CUL1: variants seen among roughly 807,000 people sequenced by gnomAD.
The protein encoded by CUL1 is cullin 1, also known as cullin-1.
A neutral mutation model predicts 118.0 loss-of-function variants in CUL1; 24 were observed. The ratio of observed to expected loss-of-function variants is 0.20; its 90% CI spans 0.15 to 0.29. The LOEUF (loss-of-function observed/expected upper bound fraction) is 0.29. Among genes scored for constraint, CUL1 ranks in the 10% least tolerant of loss-of-function variants. The pLI is 1.00. For missense variants in CUL1, 361 were observed against 933.8 expected, an observed-to-expected ratio of 0.39 and a Z score of 7.99; for synonymous variants, 332 against 340.4, an observed-to-expected ratio of 0.98 and a Z score of 0.27.
chr7:148,757,772 C>T (rs868551759), intron 4 of CUL1, among the ~76,000 whole-genome samples: 9 of 152,130 alleles, frequency 5.9e-5, no homozygotes, highest in Admixed American at 1.3e-4. Flanking sequence ...GCTGGGAAGG[C>T]CTCACAACCA....
chr7:148,765,248 AT>A (rs2129460708), intron 7 of CUL1, among the ~76,000 whole-genome samples: 1 of 152,160 alleles, frequency 6.6e-6, no homozygotes, highest in East Asian at 1.9e-4. Flanking sequence ...CCGCCTAATC[AT>A]TTTTTCATTT....
At chr7:148,725,219 G>GCGCACGCGCACACACACACACACACA in intron 1 of CUL1, among the ~76,000 whole-genome samples, 123 of 140,140 alleles carry the variant, frequency 8.8e-4, no homozygotes, top group African/African-American at 3.2e-3. Flanking sequence ...ACACGCGCGC[G>GCGCACGCGCACACACACACACACACA]CTCACACACA....
At chr7:148,798,528 C>G (rs1801283632) in intron 19 of CUL1, 44 bp from the exon 20 acceptor site, 1 of 1,455,996 alleles carries the variant, frequency 6.9e-7, no homozygotes, top group Non-Finnish European at 9.6e-7. Context: ...TCACTGCCTA[C>G]CTTTTAATAT....
chr7:148,786,472 T>G (rs1447350224), intron 11 of CUL1, 79 bp from the exon 12 acceptor site: 7 of 1,097,332 alleles, frequency 6.4e-6, no homozygotes, highest in Non-Finnish European at 9.7e-6. Flanking sequence ...TTTGAATGCT[T>G]GAAGCTGCAT....
intron 2 of CUL1, among the ~76,000 whole-genome samples, chr7:148,748,973 G>A (rs1008012674): frequency 1.3e-5 from 2 of 152,144 alleles, no homozygotes; most frequent in Non-Finnish European, 2.9e-5. Flanking sequence ...CAGCCAAGTG[G>A]CATGTAGAAG....
intron 7 of CUL1, among the ~76,000 whole-genome samples, chr7:148,766,282 G>A (rs181310936): frequency 1.4e-4 from 22 of 152,064 alleles, no homozygotes; most frequent in Admixed American, 4.6e-4. Context: ...CTACAGGCGC[G>A]TGCCACACCT....
At chr7:148,735,430 G>C (rs1798907050) in intron 2 of CUL1, among the ~76,000 whole-genome samples, 1 of 152,258 alleles carries the variant, frequency 6.6e-6, no homozygotes, top group East Asian at 1.9e-4. Context: ...CATAGGAGCT[G>C]CACTGCAGGG....
chr7:148,744,976 A>G (rs912614693), intron 2 of CUL1, among the ~76,000 whole-genome samples: 1 of 152,020 alleles, frequency 6.6e-6, no homozygotes, highest in African/African-American at 2.4e-5. Context: ...GTTACTGGTC[A>G]TGTGAACTCT....
At chr7:148,743,708 G>A (rs529594549) in intron 2 of CUL1, among the ~76,000 whole-genome samples, 6 of 152,080 alleles carry the variant, frequency 3.9e-5, no homozygotes, top group Admixed American at 2.0e-4. Flanking sequence ...CGGGCAGATC[G>A]CCTGATGCCA....
At chr7:148,732,508 AT>A (rs879290722) in intron 2 of CUL1, among the ~76,000 whole-genome samples, 344 of 142,878 alleles carry the variant, frequency 2.4e-3, no homozygotes, top group Admixed American at 2.6e-3. Flanking sequence ...TGCCCGGCTA[AT>A]TTTTTTTTTT....
At chr7:148,725,221 TCACACACA>T (rs1164701228) in intron 1 of CUL1, among the ~76,000 whole-genome samples, 4 of 145,388 alleles carry the variant, frequency 2.8e-5, no homozygotes, top group Non-Finnish European at 6.0e-5. Context: ...ACGCGCGCGC[TCACACACA>T]CACACACACA....
chr7:148,708,910 T>C (rs1255475851), intron 1 of CUL1, among the ~76,000 whole-genome samples: 1 of 152,258 alleles, frequency 6.6e-6, no homozygotes, highest in African/African-American at 2.4e-5. Context: ...AATTTTTCTA[T>C]TGATAAGGCT....
intron 1 of CUL1, among the ~76,000 whole-genome samples, chr7:148,715,824 G>C (rs1407000725): frequency 6.6e-6 from 1 of 151,842 alleles, no homozygotes; most frequent in Non-Finnish European, 1.5e-5. Flanking sequence ...CTAGTTTCAG[G>C]CTTCTTCTCG....
intron 2 of CUL1, among the ~76,000 whole-genome samples, chr7:148,744,113 TC>T (rs1038433797): frequency 1.4e-4 from 21 of 152,224 alleles, no homozygotes; most frequent in Non-Finnish European, 2.5e-4. Context: ...TCTTTTTCCA[TC>T]CATTTGCTTT....
chr7:148,702,454 A>G (rs1409366215), intron 1 of CUL1, among the ~76,000 whole-genome samples: 1 of 152,210 alleles, frequency 6.6e-6, no homozygotes, highest in Non-Finnish European at 1.5e-5. Flanking sequence ...TGTGGATTCC[A>G]TGGGAATGCC....
intron 9 of CUL1, among the ~76,000 whole-genome samples, chr7:148,770,420 A>G (rs1445599693): frequency 6.6e-6 from 1 of 152,232 alleles, no homozygotes; most frequent in African/African-American, 2.4e-5. Context: ...GATTCTAGTT[A>G]TTATTTACAT....
chr7:148,786,388 G>C (rs1188744781), intron 11 of CUL1, among the ~76,000 whole-genome samples, 163 bp from the exon 12 acceptor site: 2 of 152,216 alleles, frequency 1.3e-5, no homozygotes, highest in African/African-American at 2.4e-5. Flanking sequence ...TACAGTATGA[G>C]ATTGCCAGTT....
In CUL1 at chr7:148,759,559, T is replaced by C. The variant is rs774702633; in HGVS notation, c.546T>C (p.Ala182=). The C allele has an allele frequency of 1.6e-5, 26 of 1,604,846 alleles. No homozygotes were observed. In the South Asian group the frequency reaches 2.4e-4, roughly 15 times the overall value. ...FRPLNKQVTN[A]VLKLIEKERN... Reference sequence around the variant, plus strand: ...CATCCTTTCTAAAGGTAACAAATGCTGTTTTAAAGCTGATTGAAAAGGAAA... The same window carrying C: ...CATCCTTTCTAAAGGTAACAAATGCCGTTTTAAAGCTGATTGAAAAGGAAA... Residue 182 remains alanine (A), a synonymous_variant, in exon 6 of 22, where the codon GCT becomes GCC. Coordinates refer to ENST00000325222, the MANE Select transcript of CUL1 (RefSeq NM_003592.3).
chr7:148,727,879 C>G (rs1398671066), intron 1 of CUL1, among the ~76,000 whole-genome samples: 6 of 152,082 alleles, frequency 3.9e-5, no homozygotes, highest in African/African-American at 9.7e-5. Context: ...TTAAGGATTT[C>G]CCTTCTTCAG....
Sources: gnomAD v4.1 joint callset for allele counts (sites outside exome capture counted in the v4.1 genomes callset) on GRCh38, gnomAD v4.1.1 for gene constraint, MANE v1.5 for transcripts, NCBI Gene and HGNC (gene_info 2026-07-23, HGNC 2026-07-21) for gene names.